TMEM45B: variants seen among roughly 807,000 people sequenced by gnomAD.
The protein encoded by TMEM45B is transmembrane protein 45B.
In TMEM45B, 29 loss-of-function variants were observed where a neutral mutation model predicts 27.3. The ratio of observed to expected loss-of-function variants is 1.06; its 90% confidence interval spans 0.79 to 1.45. The LOEUF (loss-of-function observed/expected upper bound fraction) is 1.45. Among genes scored for constraint, TMEM45B ranks in the 40% most tolerant of loss-of-function variants. The probability of loss-of-function intolerance (pLI) is 0.00; values close to 1 mark genes in which losing one functional copy is unlikely to be tolerated. For synonymous variants in TMEM45B, 143 were observed against 134.7 expected (o/e 1.06, Z -0.43); for missense variants, 348 against 343.9 (o/e 1.01, Z -0.09).
intron 1 of TMEM45B, among the ~76,000 whole-genome samples, chr11:129,821,278 A>G (rs1285741630): frequency 6.6e-6 from 1 of 152,094 alleles, no homozygotes; most frequent in Non-Finnish European, 1.5e-5. Flanking sequence ...AGTGCTGCTA[A>G]TTGCATGGAG....
At position 129,855,803 on chromosome 11, in the gene TMEM45B, AT is replaced by A; in HGVS notation, c.482del (p.Ile161ThrfsTer3). 1 of 1,614,092 alleles carries A rather than the reference AT, an allele frequency of 6.2e-7. No homozygotes were observed. The highest frequency in any genetic ancestry group is 8.5e-7 in the Non-Finnish European group (1 of 1,180,016). ...TGCTCTGTTCGGAGGGTGTGTTAGTATCTCCCTAGAGGTGATCTTCCGGGAC... is the reference window on the plus strand; with the variant it reads ...TGCTCTGTTCGGAGGGTGTGTTAGTACTCCCTAGAGGTGATCTTCCGGGAC... ...LYALFGGCVS[I>X]SLEVIFRDHI... On this transcript the variant is annotated frameshift_variant, in exon 4 of 6. Transcript: ENST00000281441. LOFTEE classifies it high-confidence loss of function.
At chr11:129,847,953 A>C (rs1240207533) in intron 1 of TMEM45B, among the ~76,000 whole-genome samples, 8 of 152,192 alleles carry the variant, frequency 5.3e-5, no homozygotes, top group Admixed American at 6.5e-5. Flanking sequence ...CTCACTTCCC[A>C]GTAGGGGCGG....
intron 2 of TMEM45B, 101 bp downstream of exon 2, chr11:129,852,761 G>T: frequency 7.7e-7 from 1 of 1,306,058 alleles, no homozygotes; most frequent in East Asian, 2.4e-5. Context: ...CACTGGCAGA[G>T]ATAATAGGGC....
At chr11:129,832,033 T>C (rs1591438229) in intron 1 of TMEM45B, among the ~76,000 whole-genome samples, 1 of 114,436 alleles carries the variant, frequency 8.7e-6, no homozygotes, top group African/African-American at 3.5e-5. Flanking sequence ...GCCATTGCAC[T>C]CCAGCCTGGG....
At chr11:129,847,595 G>A (rs898646409) in intron 1 of TMEM45B, among the ~76,000 whole-genome samples, 1 of 150,446 alleles carries the variant, frequency 6.6e-6, no homozygotes, top group Non-Finnish European at 1.5e-5. Flanking sequence ...GACTCTTAAC[G>A]AGCATGCTGC....
In TMEM45B at chr11:129,834,169, G is replaced by A. The variant is rs534933241; in HGVS notation, c.-9+18271G>A. ...ACATTAGCCGGGCGCGGTGGCTCAC[G>A]CCTGTAATCCCAGCACTTTGGGAGG... On this transcript the variant is annotated intron_variant, in intron 1 of 5. Coordinates refer to ENST00000281441, the MANE Select transcript of TMEM45B (RefSeq NM_138788.5). 4.6e-5 allele frequency among the ~76,000 whole-genome samples: 7 copies of A among 152,220 alleles called. No homozygotes were observed. The South Asian group carries it at 8.3e-4, about 18-fold the overall frequency.
At chr11:129,817,481 A>C (rs78422667) in intron 1 of TMEM45B, among the ~76,000 whole-genome samples, 4,122 of 152,296 alleles carry the variant, frequency 0.027, 169 homozygotes, top group African/African-American at 0.092. Context: ...AGTGGAGGTG[A>C]CTGAGATAAG....
chr11:129,825,760 A>T (rs542047460), intron 1 of TMEM45B, among the ~76,000 whole-genome samples: 2 of 152,282 alleles, frequency 1.3e-5, no homozygotes, highest in South Asian at 4.1e-4. Flanking sequence ...TCTGTCTGTA[A>T]GCTTGAGCAC....
chr11:129,843,729 T>A (rs1947724720), intron 1 of TMEM45B, among the ~76,000 whole-genome samples: 1 of 152,090 alleles, frequency 6.6e-6, no homozygotes. Context: ...TAAATCAAAG[T>A]CACAATAAGA....
At chr11:129,829,007 AAAC>A (rs1947518474) in intron 1 of TMEM45B, among the ~76,000 whole-genome samples, 2 of 152,214 alleles carry the variant, frequency 1.3e-5, no homozygotes, top group African/African-American at 4.8e-5. Flanking sequence ...AACACTTATT[AAAC>A]ATGTATTCTA....
In TMEM45B at chr11:129,851,897, G is replaced by T. The variant is rs190735116; in HGVS notation, c.-8-578G>T. On this transcript the variant is annotated intron_variant, in intron 1 of 5. Transcript: ENST00000281441. ...CAAAACTTTATAAAATTATTTTCCA[G>T]TTGGGTGAAAAATGATGTTGTGCTT... Among the ~76,000 whole-genome samples, 5 of 152,298 alleles carry T rather than the reference G, an allele frequency of 3.3e-5. No individual in the cohort carries two copies. In the East Asian group the frequency reaches 9.6e-4, roughly 29 times the overall value.
chr11:129,855,744 C>CT lies in TMEM45B; in HGVS notation c.422_423insT (p.Leu142AlafsTer19). On this transcript the variant is annotated frameshift_variant, in exon 4 of 6. Transcript: ENST00000281441. LOFTEE classifies it high-confidence loss of function. ...TACTACCACGTCCACAACCGGCCTC[C>CT]GCTGGACCAGCACATCCACTCACTC... The CT allele has an allele frequency of 6.2e-7, 1 of 1,614,182 alleles. No individual in the cohort carries two copies. The highest frequency in any genetic ancestry group is 2.2e-5 in the East Asian group (1 of 44,878).
At chr11:129,815,980 T>C (rs1591429394) in intron 1 of TMEM45B, 82 bp downstream of exon 1, 2 of 1,250,844 alleles carry the variant, frequency 1.6e-6, no homozygotes, top group African/African-American at 1.6e-5. Context: ...AGCGGGGCTG[T>C]GATGGAGAGG....
chr11:129,827,969 C>CA (rs1201952032), intron 1 of TMEM45B, among the ~76,000 whole-genome samples: 2 of 151,248 alleles, frequency 1.3e-5, no homozygotes, highest in African/African-American at 2.4e-5. Flanking sequence ...GACCTTGTCT[C>CA]AAAAAAAAGA....
At chr11:129,857,825 C>G (rs1258074163) in intron 5 of TMEM45B, among the ~76,000 whole-genome samples, 1 of 152,056 alleles carries the variant, frequency 6.6e-6, no homozygotes. Flanking sequence ...TCCCTGCTTC[C>G]CAGAAATGAT....
chr11:129,819,393 C>CG, intron 1 of TMEM45B, among the ~76,000 whole-genome samples: 1 of 152,298 alleles, frequency 6.6e-6, no homozygotes, highest in Non-Finnish European at 1.5e-5. Context: ...CCGATATGAA[C>CG]GTCATCTGAG....
intron 4 of TMEM45B, among the ~76,000 whole-genome samples, chr11:129,856,414 T>C (rs1947925984): frequency 6.6e-6 from 1 of 151,410 alleles, no homozygotes; most frequent in Non-Finnish European, 1.5e-5. Flanking sequence ...TTTCACCATG[T>C]TGGCCAGGCT....
intron 1 of TMEM45B, among the ~76,000 whole-genome samples, chr11:129,830,523 A>G (rs1457175698): frequency 6.6e-6 from 1 of 152,246 alleles, no homozygotes; most frequent in Non-Finnish European, 1.5e-5. Context: ...TCTGTACTTC[A>G]AGGACAGCAT....
intron 1 of TMEM45B, among the ~76,000 whole-genome samples, chr11:129,835,941 A>T (rs1565366698): frequency 6.6e-6 from 1 of 152,152 alleles, no homozygotes; most frequent in African/African-American, 2.4e-5. Flanking sequence ...AACATGGTGA[A>T]ATCCCGTCTC....
Sources: allele counts gnomAD v4.1 joint callset (sites outside exome capture counted in the v4.1 genomes callset), GRCh38; gene constraint gnomAD v4.1.1; transcripts MANE v1.5; gene names NCBI Gene and HGNC (gene_info 2026-07-23, HGNC 2026-07-21).